Variants in PGA5 observed in about 807,000 individuals in gnomAD.
PGA5 encodes pepsinogen A5.
PGA5 carries 19 observed loss-of-function variants against 15.9 expected under a neutral mutation model. That is an observed-to-expected ratio of 1.19 (90% CI 0.83 to 1.75). The LOEUF is 1.75. Ranked by LOEUF, PGA5 falls within the 40% of genes most tolerant of loss-of-function variation. The probability of loss-of-function intolerance (pLI) is 0.00; values close to 1 mark genes in which losing one functional copy is unlikely to be tolerated. For synonymous variants in PGA5, 92 were observed against 95.8 expected (o/e 0.96, Z 0.23); for missense variants, 224 against 246.4 (o/e 0.91, Z 0.61).
Position 61,246,972 on chromosome 11 carries a change from A to G in PGA5, c.656+827A>G, listed in dbSNP as rs573990790. Among the ~76,000 whole-genome samples the G allele has an allele frequency of 4.1e-4, 63 of 152,120 alleles. 1 individual carries two copies. Among genetic ancestry groups the G allele is most frequent in the African/African-American group, 1.4e-3 (60 of 41,388 alleles). On this transcript the variant is annotated intron_variant, in intron 5 of 8. Coordinates refer to ENST00000312403, the MANE Select transcript of PGA5 (RefSeq NM_014224.5). ...GGGCTAATTCTAGGAATGAACAAAG[A>G]ATAAATGAACAAACAAACAAATGAA... is the stretch of plus-strand genomic sequence containing the variant.
intron 6 of PGA5, 23 bp from the exon 7 acceptor site, chr11:61,249,646 C>T (rs774830098): frequency 1.2e-5 from 19 of 1,613,640 alleles, no homozygotes; most frequent in Non-Finnish European, 1.6e-5. Context: ...GCTCAGGGAG[C>T]TTAACTTGCT....
chr11:61,250,531 A>G (rs1033781731), intron 8 of PGA5, among the ~76,000 whole-genome samples: 12 of 151,696 alleles, frequency 7.9e-5, no homozygotes, highest in African/African-American at 1.9e-4. Context: ...ACGAGCCACA[A>G]GAAAACTCTT....
At chr11:61,250,917 TA>T (rs1854132010) in intron 8 of PGA5, among the ~76,000 whole-genome samples, 1 of 151,804 alleles carries the variant, frequency 6.6e-6, no homozygotes, top group African/African-American at 2.4e-5. Context: ...AAACACCAGA[TA>T]ATGTCCAGTA....
At chr11:61,248,670 G>A in intron 6 of PGA5, 135 bp downstream of exon 6, 2 of 1,552,662 alleles carry the variant, frequency 1.3e-6, no homozygotes, top group South Asian at 1.2e-5. Flanking sequence ...GGGGGAAGGT[G>A]GAAGTTGGCC....
intron 6 of PGA5, 37 bp from the exon 7 acceptor site, chr11:61,249,632 G>C (rs1033983085): frequency 3.7e-6 from 6 of 1,613,522 alleles, no homozygotes; most frequent in Admixed American, 1.7e-5. Flanking sequence ...ATGAACCCCT[G>C]AGGGCTCAGG....
chr11:61,247,387 T>C (rs1854079521), intron 5 of PGA5, among the ~76,000 whole-genome samples: 1 of 151,784 alleles, frequency 6.6e-6, no homozygotes, highest in Admixed American at 6.6e-5. Flanking sequence ...CATGCCATTG[T>C]CTACCTCAGC....
In PGA5 at chr11:61,249,674, C is replaced by G. The variant is rs765052577; in HGVS notation, c.779C>G (p.Thr260Ser). 2.5e-6 allele frequency: 4 copies of G among 1,613,590 alleles called. No homozygotes were observed. Among genetic ancestry groups the G allele is most frequent in the Admixed American group, 1.7e-5 (1 of 59,990 alleles). ...GYWQITVDSI[T>S]MNGETIACAE... ...AACTTGCTTCTTACCCTCAGCATCA[C>G]CATGAACGGAGAGACCATCGCCTGT... is the stretch of plus-strand genomic sequence containing the variant. The change falls in exon 7 of 9, where the codon ACC becomes AGC. Residue 260 changes from threonine (T) to serine (S), a missense_variant. Thr to Ser is a moderately conservative substitution (Grantham distance 58, BLOSUM62 1). Coordinates refer to ENST00000312403, the MANE Select transcript of PGA5 (RefSeq NM_014224.5).
Position 61,249,846 on chromosome 11 carries a change from T to C in PGA5, c.918+33T>C, listed in dbSNP as rs1417934230. 5.6e-6 allele frequency: 9 copies of C among 1,613,502 alleles called. No homozygotes were observed. In the Admixed American group the frequency reaches 6.7e-5, roughly 12 times the overall value. On this transcript the variant is annotated intron_variant, in intron 7 of 8. Coordinates refer to ENST00000312403, the MANE Select transcript of PGA5 (RefSeq NM_014224.5). ...CAGCCCCGACTGCCCTGTTCTACAC[T>C]CAAGTAGTGGGTGTGCCAGGCAGAA...
At chr11:61,250,996 C>G (rs548816718) in intron 8 of PGA5, 136 bp from the exon 9 acceptor site, 1 of 1,544,272 alleles carries the variant, frequency 6.5e-7, no homozygotes, top group Non-Finnish European at 8.9e-7. Context: ...ACAGCCGAAT[C>G]CCTGGACACT....
intron 5 of PGA5, 171 bp from the exon 6 acceptor site, chr11:61,248,248 C>G (rs778068378): frequency 6.7e-7 from 1 of 1,486,692 alleles, no homozygotes; most frequent in East Asian, 2.3e-5. Context: ...ACAACAGTGA[C>G]GGTGCCCACT....
intron 6 of PGA5, 74 bp from the exon 7 acceptor site, chr11:61,249,595 C>T: frequency 6.2e-7 from 1 of 1,612,100 alleles, no homozygotes; most frequent in South Asian, 1.1e-5. Flanking sequence ...AATGTCTGGG[C>T]TCACCTCCTG....
intron 5 of PGA5, 155 bp from the exon 6 acceptor site, chr11:61,248,264 G>C: frequency 1.3e-6 from 2 of 1,570,646 alleles, no homozygotes; most frequent in Non-Finnish European, 1.8e-6. Flanking sequence ...CCACTGCATG[G>C]GCCCTGGCCT....
At chr11:61,250,771 G>C (rs1854129908) in intron 8 of PGA5, 1 of 495,816 alleles carries the variant, frequency 2.0e-6, no homozygotes, top group Non-Finnish European at 3.9e-6. Context: ...TAGCTCATCT[G>C]GTTTGTCCCT....
rs745465389 is a variant in PGA5, at chr11:61,251,200, C to A, written c.1086C>A (p.Ile362=). 5.0e-6 allele frequency: 8 copies of A among 1,611,764 alleles called. No homozygotes were observed. The highest frequency in any genetic ancestry group is 1.7e-5 in the Admixed American group (1 of 59,982). The change falls in exon 9 of 9, where the codon ATC becomes ATA. Residue 362 remains isoleucine, a synonymous_variant. Coordinates refer to ENST00000312403, the MANE Select transcript of PGA5 (RefSeq NM_014224.5). ...NVPTESGELW[I]LGDVFIRQYF... The stretch of plus-strand genomic sequence containing the variant: ...CCACCGAATCTGGAGAGCTTTGGAT[C>A]CTGGGTGATGTCTTCATCCGCCAGT...
At position 61,248,437 on chromosome 11, in the gene PGA5, C is replaced by T. The variant is rs1321145128; in HGVS notation, c.675C>T (p.Ser225=). The T allele has an allele frequency of 6.8e-6, 11 of 1,613,804 alleles. No homozygotes were observed. The highest frequency in any genetic ancestry group is 1.7e-4 in the Middle Eastern group (1 of 6,056). The stretch of plus-strand genomic sequence containing the variant: ...TCCACAGCGATGACAAGAGTGGCAG[C>T]GTGGTGATCTTTGGTGGCATTGACT... ...VYLSADDKSG[S]VVIFGGIDSS... is the part of the protein sequence containing the mutation. The change falls in exon 6 of 9, where the codon AGC becomes AGT. Residue 225 remains serine, a synonymous_variant. Transcript: ENST00000312403.
intron 8 of PGA5, 138 bp downstream of exon 8, chr11:61,250,152 T>C (rs1590594070): frequency 1.4e-6 from 1 of 729,314 alleles, no homozygotes. Flanking sequence ...CTAGACAGCC[T>C]CCAGAGAAAA....
intron 8 of PGA5, chr11:61,250,555 T>C (rs148319765): frequency 0.034 from 15,223 of 450,532 alleles, 632 homozygotes; most frequent in Admixed American, 0.13. Context: ...CTTCTGTTAT[T>C]ATAACGTCAG....
Position 61,249,927 on chromosome 11 carries a change from C to A in PGA5, c.930C>A (p.Ser310Arg), listed in dbSNP as rs1440983147. The change falls in exon 8 of 9, where the codon AGC (serine) becomes AGA (arginine). Residue 310 changes from serine (S) to arginine (R), a missense_variant. By Grantham distance (110) the Ser-to-Arg change is moderately radical (BLOSUM62 -1). Coordinates refer to ENST00000312403, the MANE Select transcript of PGA5 (RefSeq NM_014224.5). The stretch of plus-strand genomic sequence containing the variant: ...CTCACTCTTTCCAGATGGTGGTCAG[C>A]TGCTCAGCCATCAGCAGCCTGCCCG... The part of the protein sequence containing the change: ...SENSDGDMVV[S>R]CSAISSLPDI... The A allele has an allele frequency of 3.1e-6, 5 of 1,613,524 alleles. No homozygotes were observed. The Admixed American group carries it at 8.3e-5, about 27-fold the overall frequency.
chr11:61,251,396 T>C lies in PGA5; in HGVS notation c.*115T>C, dbSNP rs1854139797. On this transcript the variant is annotated 3_prime_UTR_variant, in exon 9 of 9. Transcript: ENST00000312403. ...CAGGGGAGTGTGAAGGTCTTGGCCC[T>C]GTTCCCTGTCCTACCAATAACGTAG... The C allele has an allele frequency of 3.3e-6, 5 of 1,536,432 alleles. No homozygotes were observed. Among genetic ancestry groups the C allele is most frequent in the Non-Finnish European group, 4.4e-6 (5 of 1,140,486 alleles).
Sources: allele counts gnomAD v4.1 joint callset (sites outside exome capture counted in the v4.1 genomes callset), GRCh38; gene constraint gnomAD v4.1.1; transcripts MANE v1.5; gene names NCBI Gene and HGNC (gene_info 2026-07-23, HGNC 2026-07-21).